ANXA6: variants seen among roughly 807,000 people sequenced by gnomAD.
ANXA6 encodes the protein 67 kDa calelectrin.
ANXA6 carries 71 observed loss-of-function variants against 95.4 expected under a neutral mutation model. The observed-to-expected ratio is 0.74, with a 90% CI of 0.61 to 0.91. The LOEUF is 0.91. Ranked by LOEUF, ANXA6 falls within the 40% of genes least tolerant of loss-of-function variation. The pLI, the probability that ANXA6 is intolerant of heterozygous loss-of-function variation, is 0.00. For missense variants in ANXA6, 830 were observed against 876.4 expected (o/e 0.95, Z 0.67); for synonymous variants, 289 against 315.9 (o/e 0.91, Z 0.90).
chr5:151,131,082 A>G, intron 11 of ANXA6, 149 bp downstream of exon 11: 1 of 745,742 alleles, frequency 1.3e-6, no homozygotes, highest in East Asian at 2.6e-5. Context: ...TCCTGGCTCT[A>G]CAGCTCACCT....
At position 151,139,357 on chromosome 5, in the gene ANXA6, C is replaced by A; in HGVS notation, c.200G>T (p.Gly67Val). The change falls in exon 4 of 26, where the codon GGC (glycine) becomes GTC (valine). Residue 67 changes from glycine to valine, a missense_variant. Physicochemically the swap from Gly to Val is moderately radical, Grantham distance 109. Coordinates refer to ENST00000354546, the MANE Select transcript of ANXA6 (RefSeq NM_001155.5). The stretch of plus-strand genomic sequence containing the variant: ...CCCTCCGGTTGCTGTGGTTACCTTG[C>A]CGTAGAGGGACTTGTAGCTCTGGCA... The part of the protein sequence containing the change: ...EVCQSYKSLY[G>V]KDLIADLKYE... The A allele has an allele frequency of 3.1e-6, 5 of 1,609,578 alleles. No individual in the cohort carries two copies. The highest frequency in any genetic ancestry group is 4.2e-6 in the Non-Finnish European group (5 of 1,177,342).
Position 151,137,223 on chromosome 5 carries a change from C to A in ANXA6, c.409+8G>T. ...AAGATCCTAAGCGGCCCCTCCTGCC[C>A]ATCTCACCATCTTTGTATGCTGCCA... On this transcript the variant is annotated splice_region_variant and intron_variant, in intron 6 of 25. Coordinates refer to ENST00000354546, the MANE Select transcript of ANXA6 (RefSeq NM_001155.5). 6.2e-7 allele frequency: 1 copy of A among 1,612,786 alleles called. No individual in the cohort carries two copies. Among genetic ancestry groups the A allele is most frequent in the Non-Finnish European group, 8.5e-7 (1 of 1,179,116 alleles).
At chr5:151,138,939 C>A in intron 4 of ANXA6, 148 bp from the exon 5 acceptor site, 1 of 650,534 alleles carries the variant, frequency 1.5e-6, no homozygotes, top group South Asian at 1.8e-5. Context: ...TGTACTGTTA[C>A]CAACCCTAAG....
intron 1 of ANXA6, among the ~76,000 whole-genome samples, chr5:151,150,730 G>C (rs556241817): frequency 5.3e-5 from 8 of 152,196 alleles, no homozygotes; most frequent in Non-Finnish European, 8.8e-5. Flanking sequence ...AGTGTGTGGT[G>C]GGGGGAGGAG....
At chr5:151,128,406 G>T in intron 12 of ANXA6, 167 bp from the exon 13 acceptor site, 2 of 613,224 alleles carry the variant, frequency 3.3e-6, no homozygotes, top group Non-Finnish European at 5.8e-6. Flanking sequence ...GGTTCTCAGC[G>T]GGCAGGTTGG....
chr5:151,128,925 T>C (rs1022236351), intron 12 of ANXA6, among the ~76,000 whole-genome samples: 1 of 125,402 alleles, frequency 8.0e-6, no homozygotes, highest in Non-Finnish European at 1.7e-5. Context: ...TGTCACCCCA[T>C]AAAGTTTTAT....
rs1345713253 is a variant in ANXA6, at chr5:151,157,714, A to C, written c.-60T>G. On this transcript the variant is annotated 5_prime_UTR_variant, in exon 1 of 26. Coordinates refer to ENST00000354546, the MANE Select transcript of ANXA6 (RefSeq NM_001155.5). Reference sequence around the variant, plus strand: ...GAGGCCTCGGGTCGCAGACGGACGCACGGGCGCAGGGACTCGAGGACGCAG... The same window carrying C: ...GAGGCCTCGGGTCGCAGACGGACGCCCGGGCGCAGGGACTCGAGGACGCAG... 6.5e-6 allele frequency: 1 copy of C among 152,706 alleles called. No homozygotes were observed. The highest frequency in any genetic ancestry group is 2.4e-5 in the African/African-American group (1 of 41,458). The allele number at this position is 152,706 out of a possible 1,614,324, so 9.5% of individuals were successfully genotyped here.
At chr5:151,110,204 G>A (rs1764811487) in intron 21 of ANXA6, among the ~76,000 whole-genome samples, 1 of 152,242 alleles carries the variant, frequency 6.6e-6, no homozygotes, top group Non-Finnish European at 1.5e-5. Context: ...CCTCTGGGAA[G>A]GGTGTATGGG....
chr5:151,135,299 C>A (rs1353573258), intron 7 of ANXA6, among the ~76,000 whole-genome samples: 1 of 152,102 alleles, frequency 6.6e-6, no homozygotes, highest in African/African-American at 2.4e-5. Flanking sequence ...AAACGCTTGA[C>A]TCCAAGATAC....
At chr5:151,103,297 A>G (rs1054190943) in intron 25 of ANXA6, among the ~76,000 whole-genome samples, 2 of 152,212 alleles carry the variant, frequency 1.3e-5, no homozygotes, top group Non-Finnish European at 2.9e-5. Context: ...ATGCCTGCCC[A>G]TGATATGTAA....
At chr5:151,130,516 G>A (rs1480329521) in intron 11 of ANXA6, among the ~76,000 whole-genome samples, 1 of 152,228 alleles carries the variant, frequency 6.6e-6, no homozygotes, top group Non-Finnish European at 1.5e-5. Flanking sequence ...TGGCCTCCCA[G>A]AGTGCTGGGA....
chr5:151,128,412 G>GT (rs1308114190), intron 12 of ANXA6, 173 bp from the exon 13 acceptor site: 1 of 595,836 alleles, frequency 1.7e-6, no homozygotes, highest in African/African-American at 1.9e-5. Flanking sequence ...CAGCGGGCAG[G>GT]TTGGAGGAAG....
Position 151,109,777 on chromosome 5 carries a change from G to A in ANXA6, c.1660C>T (p.Arg554Trp), listed in dbSNP as rs376978616. 10 of 1,611,076 alleles carry A rather than the reference G, an allele frequency of 6.2e-6. No individual in the cohort carries two copies. The highest frequency in any genetic ancestry group is 8.5e-6 in the Non-Finnish European group (10 of 1,178,682). Residue 554 changes from arginine (R) to tryptophan (W), a missense_variant, in exon 22 of 26, where the codon CGG becomes TGG. Coordinates refer to ENST00000354546, the MANE Select transcript of ANXA6 (RefSeq NM_001155.5). ...ETRFMTILCT[R>W]SYPHLRRVFQ... ...CCTCTCCGGAGGTGCGGATAGCTCC[G>A]GGTACACAGGATCGTCATGAAACGT...
chr5:151,138,033 GATA>G (rs1765717418), intron 5 of ANXA6, among the ~76,000 whole-genome samples: 1 of 152,198 alleles, frequency 6.6e-6, no homozygotes, highest in African/African-American at 2.4e-5. Flanking sequence ...AGATTGAGAA[GATA>G]ATAATCTCAC....
chr5:151,110,627 C>T lies in ANXA6; in HGVS notation c.1590G>A (p.Leu530=), dbSNP rs1198582509. 5.6e-6 allele frequency: 9 copies of T among 1,613,254 alleles called. No individual in the cohort carries two copies. In the East Asian group the frequency reaches 1.8e-4, roughly 32 times the overall value. Residue 530 remains leucine (L), a splice_region_variant and synonymous_variant, in exon 21 of 26, where the codon TTG becomes TTA. Transcript: ENST00000354546. ...REDAQVAAEI[L]EIADTPSGDK... ...CCCAAATGAAGAACAGGACACTCAC[C>T]AAGATCTCAGCAGCCACCTGAGAGC...
chr5:151,104,275 A>G (rs1209580982), intron 24 of ANXA6, among the ~76,000 whole-genome samples: 3 of 152,094 alleles, frequency 2.0e-5, no homozygotes, highest in African/African-American at 7.2e-5. Flanking sequence ...TTGTCACCCA[A>G]TTTCTGGAAT....
chr5:151,133,132 T>C lies in ANXA6; in HGVS notation c.602A>G (p.Tyr201Cys). ...CTGCTTGCTGCGATTTCCCAAGATG[T>C]AAATGAACTGGGCTTCATCTGTTCC... ...KWGTDEAQFI[Y>C]ILGNRSKQHL... is the part of the protein sequence containing the mutation. The change falls in exon 9 of 26, where the codon TAC (tyrosine) becomes TGC (cysteine). Residue 201 changes from tyrosine (Y) to cysteine (C), a missense_variant. Tyr to Cys is a radical substitution (Grantham distance 194). Coordinates refer to ENST00000354546, the MANE Select transcript of ANXA6 (RefSeq NM_001155.5). 1.2e-6 allele frequency: 2 copies of C among 1,600,140 alleles called. No homozygotes were observed. The highest frequency in any genetic ancestry group is 1.1e-5 in the South Asian group (1 of 88,056).
At chr5:151,108,902 C>T (rs1037219484) in intron 22 of ANXA6, among the ~76,000 whole-genome samples, 1 of 152,194 alleles carries the variant, frequency 6.6e-6, no homozygotes, top group African/African-American at 2.4e-5. Context: ...TTGGGTGATC[C>T]CTCTCCTTCC....
chr5:151,111,891 C>T (rs1275535164), intron 20 of ANXA6, among the ~76,000 whole-genome samples: 4 of 152,100 alleles, frequency 2.6e-5, no homozygotes, highest in African/African-American at 4.8e-5. Context: ...CAGGTTCAAG[C>T]GATTCTCCTG....
Sources: allele counts gnomAD v4.1 joint callset (sites outside exome capture counted in the v4.1 genomes callset), GRCh38; gene constraint gnomAD v4.1.1; transcripts MANE v1.5; gene names NCBI Gene and HGNC (gene_info 2026-07-23, HGNC 2026-07-21).